Variants in CBLB observed in about 807,000 individuals in gnomAD.
CBLB encodes E3 ubiquitin-protein ligase CBL-B.
Under a neutral mutation model 104.9 loss-of-function variants are expected in CBLB, and 31 were observed. The observed-to-expected ratio is 0.30, with a 90% CI of 0.22 to 0.40. The LOEUF is 0.40. CBLB is among the 10% of genes least tolerant of loss of function. The pLI, the probability that CBLB is intolerant of heterozygous loss-of-function variation, is 1.00. For missense variants in CBLB, 1,062 were observed against 1,214.6 expected, an observed-to-expected ratio of 0.87 and a Z score of 1.87; for synonymous variants, 440 against 422.6, an observed-to-expected ratio of 1.04 and a Z score of -0.51.
rs115673286 is a variant in CBLB, at chr3:105,822,625, T to C, written c.419+30789A>G. Among the ~76,000 whole-genome samples, 303 of 152,284 alleles carry C rather than the reference T, an allele frequency of 2.0e-3. 2 individuals carry two copies. The highest frequency in any genetic ancestry group is 7.1e-3 in the African/African-American group (294 of 41,564). ...ACCTTTTTAGATATGCATGGGAAAA[T>C]CTGCCTCCCATTTAAATGGTCTTCA... On this transcript the variant is annotated intron_variant, in intron 3 of 18. Transcript: ENST00000394030.
In CBLB at chr3:105,685,476, GA is replaced by G. The variant is rs71627687; in HGVS notation, c.2055-11del. The G allele has an allele frequency of 8.7e-6, 14 of 1,608,976 alleles. No individual in the cohort carries two copies. The highest frequency in any genetic ancestry group is 3.3e-5 in the Admixed American group (2 of 59,824). On this transcript the variant is annotated splice_polypyrimidine_tract_variant and intron_variant, in intron 13 of 18. Transcript: ENST00000394030. ...TAACGGACCAGTACACCTACCAGGG[GA>G]AAAAAAATCCAATCTAGTTTAAGCA...
chr3:105,669,823 C>A (rs1305751491), intron 18 of CBLB, among the ~76,000 whole-genome samples: 1 of 152,046 alleles, frequency 6.6e-6, no homozygotes, highest in Non-Finnish European at 1.5e-5. Context: ...GCTGTCAGTG[C>A]AGCACTGGTT....
chr3:105,753,442 C>T (rs1345794780), intron 4 of CBLB, among the ~76,000 whole-genome samples: 1 of 151,966 alleles, frequency 6.6e-6, no homozygotes, highest in Non-Finnish European at 1.5e-5. Flanking sequence ...TATAAATATG[C>T]AATTATGTCC....
intron 17 of CBLB, among the ~76,000 whole-genome samples, chr3:105,677,903 A>G (rs1350681942): frequency 1.3e-5 from 2 of 151,678 alleles, no homozygotes; most frequent in Admixed American, 1.3e-4. Context: ...GAGTAGATAC[A>G]CACTGAGGCA....
chr3:105,715,838 A>C (rs1411117399), intron 10 of CBLB, among the ~76,000 whole-genome samples: 1 of 152,162 alleles, frequency 6.6e-6, no homozygotes, highest in Non-Finnish European at 1.5e-5. Context: ...CAGGAGTTCG[A>C]GACTAGGCTG....
intron 4 of CBLB, among the ~76,000 whole-genome samples, chr3:105,770,919 C>G (rs2078802592): frequency 1.3e-5 from 2 of 152,144 alleles, no homozygotes; most frequent in Admixed American, 6.6e-5. Flanking sequence ...AAAATGCAAA[C>G]AGAGAAAGTC....
intron 6 of CBLB, among the ~76,000 whole-genome samples, chr3:105,743,512 T>C (rs949226664): frequency 6.6e-6 from 1 of 151,362 alleles, no homozygotes; most frequent in African/African-American, 2.4e-5. Flanking sequence ...AAATGAAGTA[T>C]CTTTCATGTT....
At chr3:105,695,909 T>C (rs776037876) in intron 12 of CBLB, among the ~76,000 whole-genome samples, 6 of 151,844 alleles carry the variant, frequency 4.0e-5, no homozygotes, top group Non-Finnish European at 7.4e-5. Context: ...AAATTAATAT[T>C]GACTGCTGAT....
intron 3 of CBLB, among the ~76,000 whole-genome samples, chr3:105,826,702 T>A (rs1461370031): frequency 6.6e-6 from 1 of 152,172 alleles, no homozygotes; most frequent in East Asian, 1.9e-4. Context: ...TGTGGAAGCC[T>A]TGGCAGAAAA....
intron 3 of CBLB, among the ~76,000 whole-genome samples, chr3:105,785,850 A>T (rs942683730): frequency 1.2e-4 from 19 of 152,188 alleles, no homozygotes; most frequent in African/African-American, 4.6e-4. Context: ...TTTGCCAAGC[A>T]ATTCCCACTC....
chr3:105,802,359 T>C (rs779099153), intron 3 of CBLB, among the ~76,000 whole-genome samples: 3 of 152,180 alleles, frequency 2.0e-5, no homozygotes, highest in Admixed American at 6.5e-5. Flanking sequence ...CTTATGTACA[T>C]CTCTCCGGTA....
At chr3:105,662,845 AAAG>A (rs2063921412) in intron 18 of CBLB, among the ~76,000 whole-genome samples, 1 of 152,222 alleles carries the variant, frequency 6.6e-6, no homozygotes, top group African/African-American at 2.4e-5. Context: ...TGAGCATATA[AAAG>A]AAGAGAGTGA....
chr3:105,657,018 G>T lies in CBLB; in HGVS notation c.*1952C>A. On this transcript the variant is annotated 3_prime_UTR_variant, in exon 19 of 19. Transcript: ENST00000394030. ...ACCTACTCATGGGAAGAACATCTAA[G>T]GCAAATGAAAAATTCCCCTCCAGGG... The T allele has an allele frequency of 4.4e-6, 1 of 225,072 alleles. No individual in the cohort carries two copies. The highest frequency in any genetic ancestry group is 8.9e-6 in the Non-Finnish European group (1 of 112,874). The allele number at this position is 225,072 out of a possible 1,614,324, so 13.9% of individuals were successfully genotyped here.
At chr3:105,681,441 A>G in intron 16 of CBLB, 38 bp downstream of exon 16, 1 of 1,588,274 alleles carries the variant, frequency 6.3e-7, no homozygotes, top group Non-Finnish European at 8.6e-7. Flanking sequence ...TAAAAGAAGG[A>G]GGGGTGGGTT....
intron 2 of CBLB, among the ~76,000 whole-genome samples, chr3:105,857,577 T>G (rs1177115699): frequency 6.6e-6 from 1 of 152,208 alleles, no homozygotes; most frequent in Non-Finnish European, 1.5e-5. Context: ...ATACAAGAGC[T>G]TGTATCTTCT....
chr3:105,836,855 A>G (rs1290028469), intron 3 of CBLB, among the ~76,000 whole-genome samples: 2 of 152,118 alleles, frequency 1.3e-5, no homozygotes, highest in Non-Finnish European at 1.5e-5. Flanking sequence ...CTAAGTCTGC[A>G]TGGTGGATGT....
At chr3:105,786,929 T>C (rs1261324405) in intron 3 of CBLB, among the ~76,000 whole-genome samples, 1 of 152,216 alleles carries the variant, frequency 6.6e-6, no homozygotes, top group Non-Finnish European at 1.5e-5. Context: ...TACTTCCATT[T>C]ATTAGATATA....
intron 3 of CBLB, among the ~76,000 whole-genome samples, chr3:105,822,327 G>A (rs1397315291): frequency 6.6e-6 from 1 of 152,136 alleles, no homozygotes; most frequent in Non-Finnish European, 1.5e-5. Flanking sequence ...AGGCCTTCTA[G>A]TCATCTAACA....
chr3:105,703,222 CTG>C (rs1171625000), intron 11 of CBLB, among the ~76,000 whole-genome samples: 1 of 152,104 alleles, frequency 6.6e-6, no homozygotes, highest in East Asian at 1.9e-4. Flanking sequence ...AAAAAGGAAT[CTG>C]TTGTGTTTAC....
Sources: gnomAD v4.1 joint callset for allele counts (sites outside exome capture counted in the v4.1 genomes callset) on GRCh38, gnomAD v4.1.1 for gene constraint, MANE v1.5 for transcripts, NCBI Gene and HGNC (gene_info 2026-07-23, HGNC 2026-07-21) for gene names.